PTPRT: variants seen among roughly 807,000 people sequenced by gnomAD.
PTPRT encodes the protein receptor-type tyrosine-protein phosphatase T.
A neutral mutation model predicts 176.8 loss-of-function variants in PTPRT; 56 were observed. That is an observed-to-expected ratio of 0.32 (90% CI 0.26 to 0.40). PTPRT has a LOEUF of 0.40. Among genes scored for constraint, PTPRT ranks in the 10% least tolerant of loss-of-function variants. PTPRT has a pLI of 1.00. For missense variants in PTPRT, 1,540 were observed against 1,908.2 expected (o/e 0.81, Z 3.60); for synonymous variants, 783 against 739.0 (o/e 1.06, Z -0.96).
intron 14 of PTPRT, among the ~76,000 whole-genome samples, chr20:42,240,306 C>T (rs1208441741): frequency 1.3e-5 from 2 of 152,100 alleles, no homozygotes; most frequent in African/African-American, 4.8e-5. Flanking sequence ...TATTCTGTGA[C>T]CAAAACAGTT....
chr20:42,671,742 T>A (rs1280528625), intron 7 of PTPRT, among the ~76,000 whole-genome samples: 1 of 152,226 alleles, frequency 6.6e-6, no homozygotes, highest in Non-Finnish European at 1.5e-5. Context: ...TTTGCTCTCA[T>A]ACCTATATCT....
At chr20:42,813,601 A>G (rs1037420470) in intron 2 of PTPRT, among the ~76,000 whole-genome samples, 10 of 152,142 alleles carry the variant, frequency 6.6e-5, no homozygotes, top group Non-Finnish European at 1.2e-4. Flanking sequence ...GCTATGATAT[A>G]TAGCATATGT....
chr20:42,588,040 G>C (rs2073502203), intron 7 of PTPRT, among the ~76,000 whole-genome samples: 1 of 152,224 alleles, frequency 6.6e-6, no homozygotes, highest in South Asian at 2.1e-4. Context: ...TTCCCCAGTA[G>C]GCATCTTGTC....
chr20:42,142,769 TTCTC>T (rs1331023547), intron 17 of PTPRT, among the ~76,000 whole-genome samples: 3 of 152,274 alleles, frequency 2.0e-5, no homozygotes, highest in South Asian at 2.1e-4. Flanking sequence ...AATGCAGTCT[TTCTC>T]TCTCTCTCTA....
At chr20:42,335,577 A>C (rs1486632556) in intron 11 of PTPRT, among the ~76,000 whole-genome samples, 1 of 152,216 alleles carries the variant, frequency 6.6e-6, no homozygotes, top group Non-Finnish European at 1.5e-5. Context: ...TAAGAAAAAA[A>C]ATTCAAAGAA....
chr20:42,976,814 G>C (rs1384702597), intron 1 of PTPRT, among the ~76,000 whole-genome samples: 1 of 152,130 alleles, frequency 6.6e-6, no homozygotes. Context: ...CCTAATAAAA[G>C]TTTATGTGAG....
At chr20:42,095,201 C>G (rs191255150) in intron 27 of PTPRT, among the ~76,000 whole-genome samples, 1 of 152,214 alleles carries the variant, frequency 6.6e-6, no homozygotes, top group African/African-American at 2.4e-5. Flanking sequence ...CCCATCCTTG[C>G]ACCAACAATC....
At chr20:43,043,464 G>C (rs1045570116) in intron 1 of PTPRT, among the ~76,000 whole-genome samples, 27 of 152,168 alleles carry the variant, frequency 1.8e-4, no homozygotes, top group Admixed American at 7.9e-4. Context: ...TAAATAATTT[G>C]TCTGAATTAT....
chr20:42,749,586 G>A (rs998453704), intron 6 of PTPRT, among the ~76,000 whole-genome samples: 2 of 152,166 alleles, frequency 1.3e-5, no homozygotes, highest in African/African-American at 4.8e-5. Flanking sequence ...GGGTTTCCAT[G>A]CTCTCACTGG....
chr20:42,500,406 G>A (rs919790210), intron 7 of PTPRT, among the ~76,000 whole-genome samples: 4 of 151,948 alleles, frequency 2.6e-5, no homozygotes, highest in Non-Finnish European at 5.9e-5. Context: ...TAAATGACTT[G>A]TATACTGATC....
In PTPRT at chr20:42,237,671, C is replaced by T. The variant is rs567928588; in HGVS notation, c.2313-1413G>A. On this transcript the variant is annotated intron_variant, in intron 14 of 30. Coordinates refer to ENST00000373187, the MANE Select transcript of PTPRT (RefSeq NM_007050.6). ...TCTCTTTCCAATGTTCCTACTGGCT[C>T]CTGGCTTCTAAGCAATCACAAAACT... Among the ~76,000 whole-genome samples, 26 of 152,336 alleles carry T rather than the reference C, an allele frequency of 1.7e-4. No individual in the cohort carries two copies. In the South Asian group the frequency reaches 3.1e-3, roughly 18 times the overall value.
chr20:42,887,025 A>G (rs1225860569), intron 1 of PTPRT, among the ~76,000 whole-genome samples: 1 of 152,176 alleles, frequency 6.6e-6, no homozygotes, highest in African/African-American at 2.4e-5. Flanking sequence ...ACTCCAGTCC[A>G]TCTTTTCCAA....
chr20:42,848,202 C>T (rs1354597943), intron 2 of PTPRT, among the ~76,000 whole-genome samples: 1 of 152,184 alleles, frequency 6.6e-6, no homozygotes, highest in Non-Finnish European at 1.5e-5. Flanking sequence ...ATGGCATATA[C>T]ATGCCATAAT....
intron 11 of PTPRT, among the ~76,000 whole-genome samples, chr20:42,316,762 T>C (rs1004767581): frequency 1.3e-5 from 2 of 152,214 alleles, no homozygotes; most frequent in Non-Finnish European, 2.9e-5. Context: ...TACTGACTTA[T>C]GCTTCCTCTA....
At chr20:42,100,333 A>C (rs897767741) in intron 26 of PTPRT, among the ~76,000 whole-genome samples, 4 of 152,228 alleles carry the variant, frequency 2.6e-5, no homozygotes, top group African/African-American at 9.6e-5. Flanking sequence ...TACCAGGGGA[A>C]ACATTAAAAA....
At position 42,641,016 on chromosome 20, in the gene PTPRT, A is replaced by G. The variant is rs368583652; in HGVS notation, c.1153+36850T>C. 4.5e-4 allele frequency among the ~76,000 whole-genome samples: 68 copies of G among 152,262 alleles called. 1 individual carries two copies. In the South Asian group the frequency reaches 0.014, roughly 31 times the overall value. ...AGGTTGCCCAATAGCATCTATAATT[A>G]CCATTTTAATTGCTGCATAATATTC... is the stretch of plus-strand genomic sequence containing the variant. On this transcript the variant is annotated intron_variant, in intron 7 of 30. Transcript: ENST00000373187.
At chr20:42,155,907 C>T (rs1488163267) in intron 17 of PTPRT, among the ~76,000 whole-genome samples, 2 of 152,208 alleles carry the variant, frequency 1.3e-5, no homozygotes, top group African/African-American at 2.4e-5. Flanking sequence ...CTGCTCTCTT[C>T]GATGGCTCCA....
intron 9 of PTPRT, among the ~76,000 whole-genome samples, chr20:42,433,685 G>A (rs749699041): frequency 6.6e-6 from 1 of 152,156 alleles, no homozygotes; most frequent in African/African-American, 2.4e-5. Context: ...TTCTAACCTC[G>A]AGTTTATGGA....
intron 7 of PTPRT, among the ~76,000 whole-genome samples, chr20:42,661,342 T>C (rs1235205324): frequency 6.6e-6 from 1 of 152,154 alleles, no homozygotes; most frequent in Non-Finnish European, 1.5e-5. Flanking sequence ...ATATGGAGCA[T>C]GATTACATGA....
Sources: gnomAD v4.1 joint callset for allele counts (sites outside exome capture counted in the v4.1 genomes callset) on GRCh38, gnomAD v4.1.1 for gene constraint, MANE v1.5 for transcripts, NCBI Gene and HGNC (gene_info 2026-07-23, HGNC 2026-07-21) for gene names.